The following KIAA0825 variants were observed in gnomAD, a reference collection of about 807,000 sequenced individuals.
The protein encoded by KIAA0825 is uncharacterized protein KIAA0825.
A neutral mutation model predicts 147.6 loss-of-function variants in KIAA0825; 119 were observed. The observed-to-expected ratio is 0.81, with a 90% CI of 0.69 to 0.94. The LOEUF is 0.94. Ranked by LOEUF, KIAA0825 falls within the 40% of genes least tolerant of loss-of-function variation. The pLI is 0.00. For missense variants in KIAA0825, 1,381 were observed against 1,472.7 expected, an observed-to-expected ratio of 0.94 and a Z score of 1.02; for synonymous variants, 470 against 518.1, an observed-to-expected ratio of 0.91 and a Z score of 1.26.
chr5:94,365,720 T>C (rs2150424717), intron 20 of KIAA0825, among the ~76,000 whole-genome samples: 1 of 152,310 alleles, frequency 6.6e-6, no homozygotes, highest in Admixed American at 6.5e-5. Context: ...TAGTTTAGCT[T>C]TGAAACAAAG....
At chr5:94,264,491 C>T (rs1776652364) in intron 20 of KIAA0825, among the ~76,000 whole-genome samples, 1 of 152,176 alleles carries the variant, frequency 6.6e-6, no homozygotes, top group South Asian at 2.1e-4. Context: ...TTCAAATTGT[C>T]TGTTCCTTTC....
chr5:94,553,532 A>G (rs1775951495), intron 2 of KIAA0825, among the ~76,000 whole-genome samples: 2 of 152,086 alleles, frequency 1.3e-5, no homozygotes, highest in African/African-American at 4.8e-5. Flanking sequence ...TGGGAGGCCA[A>G]GGCGGGTCGA....
intron 20 of KIAA0825, among the ~76,000 whole-genome samples, chr5:94,204,939 A>G (rs541984846): frequency 6.6e-6 from 1 of 152,256 alleles, no homozygotes; most frequent in African/African-American, 2.4e-5. Flanking sequence ...CACATAGATA[A>G]TCAAAGAAAA....
chr5:94,329,955 G>A (rs537323588), intron 20 of KIAA0825, among the ~76,000 whole-genome samples: 1 of 152,258 alleles, frequency 6.6e-6, no homozygotes, highest in Non-Finnish European at 1.5e-5. Context: ...GTAAGATGAA[G>A]AGACCCTGTT....
chr5:94,576,149 G>A (rs1780994210), intron 2 of KIAA0825, among the ~76,000 whole-genome samples: 3 of 152,098 alleles, frequency 2.0e-5, no homozygotes, highest in South Asian at 2.1e-4. Flanking sequence ...AGACTAAGAT[G>A]TAGCCAATCA....
intron 20 of KIAA0825, among the ~76,000 whole-genome samples, chr5:94,307,419 G>C (rs1778813407): frequency 6.6e-6 from 1 of 151,562 alleles, no homozygotes; most frequent in Non-Finnish European, 1.5e-5. Context: ...CAGAAAAGTT[G>C]TTCACCCTGT....
chr5:94,585,074 C>A (rs1783018216), intron 1 of KIAA0825, among the ~76,000 whole-genome samples: 2 of 152,262 alleles, frequency 1.3e-5, no homozygotes, highest in South Asian at 4.2e-4. Context: ...TAGTACCAGC[C>A]ACTGCAAAAA....
At chr5:94,202,940 T>C (rs1771831388) in intron 20 of KIAA0825, among the ~76,000 whole-genome samples, 1 of 152,204 alleles carries the variant, frequency 6.6e-6, no homozygotes, top group Non-Finnish European at 1.5e-5. Context: ...CACCATTTCA[T>C]ATCATTCCTG....
intron 20 of KIAA0825, among the ~76,000 whole-genome samples, chr5:94,299,981 T>TTA (rs959982952): frequency 6.6e-6 from 1 of 151,932 alleles, no homozygotes; most frequent in Non-Finnish European, 1.5e-5. Flanking sequence ...GGCAAATTCG[T>TTA]TATATATATA....
At chr5:94,464,646 G>A (rs1276351944) in intron 11 of KIAA0825, among the ~76,000 whole-genome samples, 7 of 152,112 alleles carry the variant, frequency 4.6e-5, no homozygotes, top group Admixed American at 4.6e-4. Context: ...TTAGCAACAA[G>A]TGGGTTCTAT....
At position 94,215,347 on chromosome 5, in the gene KIAA0825, CCAA is replaced by C. The variant is rs553747471; in HGVS notation, c.3711-61226_3711-61224del. ...CGTTGCACATAGGCCAGAGGAGAAA[CCAA>C]CATGAGAAACACATCAGGGCAAAGA... On this transcript the variant is annotated intron_variant, in intron 20 of 20. Transcript: ENST00000682413. 1.2e-4 allele frequency among the ~76,000 whole-genome samples: 19 copies of C among 152,088 alleles called. No individual in the cohort carries two copies. The South Asian group carries it at 3.9e-3, about 32-fold the overall frequency.
intron 20 of KIAA0825, among the ~76,000 whole-genome samples, chr5:94,236,760 C>T (rs1175948213): frequency 3.9e-5 from 6 of 152,162 alleles, no homozygotes; most frequent in Admixed American, 3.3e-4. Flanking sequence ...TAGCAGCTGT[C>T]AACTTCGAGA....
At chr5:94,279,690 T>C (rs779439206) in intron 20 of KIAA0825, among the ~76,000 whole-genome samples, 19 of 152,056 alleles carry the variant, frequency 1.2e-4, no homozygotes, top group Non-Finnish European at 2.5e-4. Flanking sequence ...CCCTACTGAA[T>C]GCCTATTCTT....
chr5:94,192,860 T>C (rs1432153849), intron 20 of KIAA0825, among the ~76,000 whole-genome samples: 1 of 152,106 alleles, frequency 6.6e-6, no homozygotes, highest in Non-Finnish European at 1.5e-5. Flanking sequence ...ATATGTGGAG[T>C]TGGCTTTCTC....
At chr5:94,287,501 G>A (rs941044648) in intron 20 of KIAA0825, among the ~76,000 whole-genome samples, 1 of 152,038 alleles carries the variant, frequency 6.6e-6, no homozygotes, top group Admixed American at 6.6e-5. Context: ...AATTCTGCAG[G>A]ATTGAGATAC....
rs1363704133 is a variant in KIAA0825 at position 94,465,031 on chromosome 5, A to T, written c.1901T>A (p.Met634Lys). 1 of 1,551,512 alleles carries T rather than the reference A, an allele frequency of 6.4e-7. No individual in the cohort carries two copies. Among genetic ancestry groups the T allele is most frequent in the Non-Finnish European group, 8.7e-7 (1 of 1,146,954 alleles). ...EGERCSFSIQ[M>K]WHYFCWSLHY... ...AAGAGACCAGCAGAAATAATGCCAC[A>T]TCTGGATCGAGAAGGAACATCTTTC... Residue 634 changes from methionine (M) to lysine (K), a missense_variant, in exon 11 of 21, where the codon ATG (methionine) becomes AAG (lysine). Transcript: ENST00000682413.
In KIAA0825 at chr5:94,464,946, C is replaced by T. The variant is rs558110639; in HGVS notation, c.1986G>A (p.Val662=). The change falls in exon 11 of 21, where the codon GTG becomes GTA. Residue 662 remains valine, a synonymous_variant. Transcript: ENST00000682413. ...PKLAQEILVE[V]LEKSLSLLAS... is the part of the protein sequence containing the mutation. The stretch of plus-strand genomic sequence containing the variant: ...CCAGTAGACTCAAAGATTTCTCCAG[C>T]ACTTCCACTAGAATCTCCTGGGCTA... The T allele has an allele frequency of 9.0e-6, 14 of 1,551,658 alleles. No homozygotes were observed. In the Admixed American group the frequency reaches 2.4e-4, roughly 26 times the overall value.
At chr5:94,371,023 T>G (rs1746627678) in intron 20 of KIAA0825, among the ~76,000 whole-genome samples, 1 of 151,836 alleles carries the variant, frequency 6.6e-6, no homozygotes, top group Non-Finnish European at 1.5e-5. Context: ...ACAATTAGAG[T>G]GAGACTTGTG....
chr5:94,416,588 G>A (rs1005153345), intron 15 of KIAA0825: 6 of 152,160 alleles, frequency 3.9e-5, no homozygotes, highest in African/African-American at 1.4e-4. Context: ...GACAATGTGA[G>A]AATTTTTACG....
Sources: gnomAD v4.1 joint callset for allele counts (sites outside exome capture counted in the v4.1 genomes callset) on GRCh38, gnomAD v4.1.1 for gene constraint, MANE v1.5 for transcripts, NCBI Gene and HGNC (gene_info 2026-07-23, HGNC 2026-07-21) for gene names.